ATP8B1: variants seen among roughly 807,000 people sequenced by gnomAD.
The protein encoded by ATP8B1 is ATPase phospholipid transporting 8B1, also known as phospholipid-transporting ATPase IC.
In ATP8B1, 80 loss-of-function variants were observed where a neutral mutation model predicts 149.9. The observed-to-expected ratio is 0.53, with a 90% CI of 0.45 to 0.64. The LOEUF (loss-of-function observed/expected upper bound fraction) is 0.64. Among genes scored for constraint, ATP8B1 ranks in the 30% least tolerant of loss-of-function variants. The pLI, the probability that ATP8B1 is intolerant of heterozygous loss-of-function variation, is 0.00. For missense variants in ATP8B1, 1,247 were observed against 1,552.6 expected (o/e 0.80, Z 3.31); for synonymous variants, 536 against 562.8 (o/e 0.95, Z 0.67).
chr18:57,653,490 T>G (rs1316711110), intron 24 of ATP8B1, among the ~76,000 whole-genome samples: 2 of 151,876 alleles, frequency 1.3e-5, no homozygotes, highest in African/African-American at 4.8e-5. Context: ...CTCCCTATGT[T>G]GCCAGGGCTG....
intron 1 of ATP8B1, among the ~76,000 whole-genome samples, chr18:57,785,516 G>GT (rs1170226372): frequency 2.0e-5 from 3 of 151,998 alleles, no homozygotes; most frequent in Admixed American, 2.0e-4. Context: ...GTTCTGTTTT[G>GT]TTTTTTTGAG....
intron 16 of ATP8B1, among the ~76,000 whole-genome samples, chr18:57,672,925 T>TACAC (rs1911329743): frequency 2.2e-5 from 1 of 46,068 alleles, no homozygotes; most frequent in Non-Finnish European, 3.5e-5. Context: ...TATATATATA[T>TACAC]ATATATAACA....
At chr18:57,709,712 T>C (rs1286688190) in intron 2 of ATP8B1, among the ~76,000 whole-genome samples, 1 of 151,832 alleles carries the variant, frequency 6.6e-6, no homozygotes. Context: ...GACAGTCTTG[T>C]TCTGTCATCC....
intron 1 of ATP8B1, among the ~76,000 whole-genome samples, chr18:57,766,671 T>C (rs1416379049): frequency 2.0e-5 from 3 of 152,180 alleles, no homozygotes; most frequent in Non-Finnish European, 4.4e-5. Flanking sequence ...CCAAGACTCT[T>C]CATTTCCATC....
intron 6 of ATP8B1, 123 bp downstream of exon 6, chr18:57,700,916 C>CA (rs1913085188): frequency 9.9e-6 from 11 of 1,105,756 alleles, no homozygotes; most frequent in South Asian, 1.3e-5. Context: ...GACTCTATCT[C>CA]GAAAAAAATA....
At chr18:57,665,410 T>G (rs536902954) in intron 20 of ATP8B1, among the ~76,000 whole-genome samples, 1 of 152,204 alleles carries the variant, frequency 6.6e-6, no homozygotes, top group East Asian at 1.9e-4. Flanking sequence ...GACCAATTTT[T>G]AAGACTTTCA....
At chr18:57,657,541 A>G (rs1397483815) in intron 22 of ATP8B1, among the ~76,000 whole-genome samples, 2 of 152,220 alleles carry the variant, frequency 1.3e-5, no homozygotes, top group African/African-American at 4.8e-5. Context: ...GGCAAATTCA[A>G]AACATAACTG....
chr18:57,787,058 C>T (rs1052381762), intron 1 of ATP8B1, among the ~76,000 whole-genome samples: 5 of 151,914 alleles, frequency 3.3e-5, no homozygotes, highest in African/African-American at 7.3e-5. Context: ...TACATTTAAG[C>T]GATATTAAAA....
intron 1 of ATP8B1, among the ~76,000 whole-genome samples, chr18:57,753,863 G>T (rs2080047613): frequency 6.7e-6 from 1 of 149,044 alleles, no homozygotes; most frequent in African/African-American, 2.5e-5. Context: ...GGGAGGCGGA[G>T]GTTGCAGTGA....
At chr18:57,701,558 G>A (rs1913123668) in intron 4 of ATP8B1, among the ~76,000 whole-genome samples, 1 of 152,138 alleles carries the variant, frequency 6.6e-6, no homozygotes, top group Non-Finnish European at 1.5e-5. Context: ...TTATCTCATT[G>A]CAAACTTAAC....
chr18:57,648,880 G>GTA lies in ATP8B1; in HGVS notation c.3532-169_3532-168insTA, dbSNP rs1277543996. Reference sequence around the variant, plus strand: ...TGTGTGTGTGTGTGTGTGTGTGTGTGTGTGTGTATGTGTGTCTATATCTTT... The same window carrying GTA: ...TGTGTGTGTGTGTGTGTGTGTGTGTGTATGTGTGTATGTGTGTCTATATCTTT... On this transcript the variant is annotated intron_variant, in intron 27 of 27. Coordinates refer to ENST00000648908, the MANE Select transcript of ATP8B1 (RefSeq NM_001374385.1). Among the ~76,000 whole-genome samples the GTA allele has an allele frequency of 2.7e-3, 355 of 133,618 alleles. 2 individuals carry two copies. The highest frequency in any genetic ancestry group is 7.3e-3 in the East Asian group (29 of 3,964). The allele number at this position is 133,618 out of a possible 152,430, so 87.7% of individuals were successfully genotyped here.
intron 1 of ATP8B1, among the ~76,000 whole-genome samples, chr18:57,746,892 C>T (rs2079969374): frequency 6.6e-6 from 1 of 152,136 alleles, no homozygotes; most frequent in South Asian, 2.1e-4. Flanking sequence ...GAAGTGAGCT[C>T]AGAAGGGATG....
At chr18:57,668,661 C>T (rs1911045946) in intron 18 of ATP8B1, 121 bp from the exon 19 acceptor site, 2 of 660,826 alleles carry the variant, frequency 3.0e-6, no homozygotes, top group Non-Finnish European at 5.2e-6. Flanking sequence ...TTGCTGCTCT[C>T]CTGGGGCCAA....
intron 8 of ATP8B1, among the ~76,000 whole-genome samples, chr18:57,696,462 C>T (rs1450215796): frequency 6.7e-6 from 1 of 148,914 alleles, no homozygotes; most frequent in Non-Finnish European, 1.5e-5. Flanking sequence ...TAAGCCTTTA[C>T]AATTAAGAAG....
At chr18:57,734,053 A>G (rs689887) in intron 1 of ATP8B1, 149,690 of 152,228 alleles carry the variant, frequency 0.98, 73,647 homozygotes, top group East Asian at 1. Context: ...TAGATGATCC[A>G]AAGAGTATTT....
intron 13 of ATP8B1, among the ~76,000 whole-genome samples, chr18:57,687,676 C>T (rs933246917): frequency 6.6e-6 from 1 of 151,224 alleles, no homozygotes; most frequent in Non-Finnish European, 1.5e-5. Flanking sequence ...CTGCTATGAA[C>T]ATAGGTGTAC....
chr18:57,674,200 C>T (rs577803452), intron 16 of ATP8B1, among the ~76,000 whole-genome samples: 37 of 128,538 alleles, frequency 2.9e-4, no homozygotes, highest in African/African-American at 7.7e-4. Flanking sequence ...GACCTGAGAT[C>T]GCACCACTGC....
chr18:57,656,517 C>T (rs908608977), intron 22 of ATP8B1, among the ~76,000 whole-genome samples: 1 of 151,500 alleles, frequency 6.6e-6, no homozygotes. Flanking sequence ...TCTCGAGTAG[C>T]TGGGATTACA....
intron 19 of ATP8B1, 89 bp from the exon 20 acceptor site, chr18:57,667,256 T>G: frequency 9.4e-7 from 1 of 1,067,920 alleles, no homozygotes; most frequent in South Asian, 1.3e-5. Context: ...TCACTCCCAC[T>G]GCCTAGGCTG....
Sources: gnomAD v4.1 joint callset for allele counts (sites outside exome capture counted in the v4.1 genomes callset) on GRCh38, gnomAD v4.1.1 for gene constraint, MANE v1.5 for transcripts, NCBI Gene and HGNC (gene_info 2026-07-23, HGNC 2026-07-21) for gene names.